PTPRU: variants seen among roughly 807,000 people sequenced by gnomAD.
PTPRU encodes the protein protein tyrosine phosphatase receptor type U, also known as receptor-type tyrosine-protein phosphatase U.
A neutral mutation model predicts 166.3 loss-of-function variants in PTPRU; 69 were observed. The ratio of observed to expected loss-of-function variants is 0.41; its 90% CI spans 0.34 to 0.51. The LOEUF (loss-of-function observed/expected upper bound fraction) is 0.51. Ranked by LOEUF, PTPRU falls within the 20% of genes least tolerant of loss-of-function variation. PTPRU has a pLI of 0.09. For missense variants in PTPRU, 1,657 were observed against 2,013.7 expected (o/e 0.82, Z 3.39); for synonymous variants, 793 against 814.0 (o/e 0.97, Z 0.44).
At chr1:29,285,427 C>G (rs567834091) in intron 14 of PTPRU, among the ~76,000 whole-genome samples, 1 of 152,194 alleles carries the variant, frequency 6.6e-6, no homozygotes, top group Non-Finnish European at 1.5e-5. Context: ...AACCCCTCCC[C>G]CTGCCGCCCC....
At position 29,244,224 on chromosome 1, in the gene PTPRU, G is replaced by A. The variant is rs1684185384; in HGVS notation, c.73+7507G>A. Among the ~76,000 whole-genome samples the A allele has an allele frequency of 2.6e-5, 4 of 152,014 alleles. No individual in the cohort carries two copies. In the South Asian group the frequency reaches 6.2e-4, roughly 24 times the overall value. On this transcript the variant is annotated intron_variant, in intron 1 of 29. Coordinates refer to ENST00000373779, the MANE Select transcript of PTPRU (RefSeq NM_133178.4). ...TCCCAGACTAGTGGAAAAAGGAGAC[G>A]GAAAACCGCAGCACACTGTCAGATG...
chr1:29,284,777 G>A lies in PTPRU; in HGVS notation c.2226G>A (p.Ser742=), dbSNP rs779491423. Residue 742 remains serine (S), a synonymous_variant, in exon 14 of 30, where the codon TCG becomes TCA. Transcript: ENST00000373779. ...SKRPLEVSQR[S]EEMGLILGIC... ...GGCCCCTGGAGGTGTCCCAGAGATC[G>A]GAGGAGATGGGGCTTATCCTGGGCA... is the stretch of plus-strand genomic sequence containing the variant. 9.9e-6 allele frequency: 16 copies of A among 1,613,972 alleles called. No homozygotes were observed. The highest frequency in any genetic ancestry group is 1.3e-5 in the African/African-American group (1 of 74,890).
At chr1:29,323,252 G>C in intron 26 of PTPRU, 119 bp from the exon 27 acceptor site, 1 of 1,339,078 alleles carries the variant, frequency 7.5e-7, no homozygotes, top group Non-Finnish European at 1.0e-6. Context: ...GGAGTGAGTG[G>C]GTGGGCCAGG....
At position 29,305,338 on chromosome 1, in the gene PTPRU, C is replaced by T; in HGVS notation, c.2744-14C>T. The T allele has an allele frequency of 1.9e-6, 3 of 1,613,570 alleles. No homozygotes were observed. Among genetic ancestry groups the T allele is most frequent in the Non-Finnish European group, 2.5e-6 (3 of 1,179,894 alleles). ...CCCCAGTTCAGCCCCTGCCCACCTG[C>T]TCTGTGTTTACAGATGATCGGCACC... On this transcript the variant is annotated splice_polypyrimidine_tract_variant and intron_variant, in intron 17 of 29. Transcript: ENST00000373779.
rs1687722145 is a variant in PTPRU, at chr1:29,312,670, C to A, written c.3191C>A (p.Thr1064Asn). Residue 1064 changes from threonine to asparagine, a missense_variant, in exon 22 of 30, where the codon ACC (threonine) becomes AAC (asparagine). Thr to Asn is a moderately conservative substitution (Grantham distance 65, BLOSUM62 0). Transcript: ENST00000373779. ...LAFIRRVKAS[T>N]PPDAGPIVIH... ...TTCATCCGGCGCGTGAAGGCCTCCA[C>A]CCCACCTGATGCCGGGCCCATTGTC... 6.2e-7 allele frequency: 1 copy of A among 1,610,178 alleles called. No individual in the cohort carries two copies. Among genetic ancestry groups the A allele is most frequent in the Admixed American group, 1.7e-5 (1 of 59,954 alleles).
intron 1 of PTPRU, among the ~76,000 whole-genome samples, chr1:29,241,085 GT>G: frequency 6.6e-6 from 1 of 152,286 alleles, no homozygotes; most frequent in South Asian, 2.1e-4. Flanking sequence ...ACCTGTTAGG[GT>G]GTCTAGCCAT....
chr1:29,301,449 C>T (rs1455647556), intron 15 of PTPRU, among the ~76,000 whole-genome samples: 1 of 152,136 alleles, frequency 6.6e-6, no homozygotes, highest in Non-Finnish European at 1.5e-5. Context: ...TTAATGATGA[C>T]TGTGTTACTG....
Position 29,317,446 on chromosome 1 carries a change from G to A in PTPRU, c.3514-302G>A, listed in dbSNP as rs1192997460. Among the ~76,000 whole-genome samples, 4 of 152,148 alleles carry A rather than the reference G, an allele frequency of 2.6e-5. No homozygotes were observed. Among genetic ancestry groups the A allele is most frequent in the Non-Finnish European group, 5.9e-5 (4 of 68,034 alleles). On this transcript the variant is annotated intron_variant, in intron 24 of 29. Transcript: ENST00000373779. This position sits in a 1 kb window ranked among gnomAD's most constrained non-coding sequence, Gnocchi z 5.6. ...CACTTTGGCCTCCCAGCAGCCCCAT[G>A]AAGTAGGCATATTACTTCCCTATTT...
chr1:29,266,476 A>C (rs1442450908), intron 7 of PTPRU, among the ~76,000 whole-genome samples: 1 of 152,050 alleles, frequency 6.6e-6, no homozygotes, highest in Non-Finnish European at 1.5e-5. Flanking sequence ...CACTTTGGGA[A>C]CTCCTTGGAT....
chr1:29,313,591 C>T (rs1256395509), intron 22 of PTPRU, among the ~76,000 whole-genome samples: 1 of 152,234 alleles, frequency 6.6e-6, no homozygotes, highest in East Asian at 1.9e-4. Context: ...CACAGGGGCT[C>T]ATGCCTGTAA....
At chr1:29,287,564 GATT>G (rs1194895428) in intron 14 of PTPRU, among the ~76,000 whole-genome samples, 1 of 150,804 alleles carries the variant, frequency 6.6e-6, no homozygotes, top group African/African-American at 2.4e-5. Context: ...CCCTGTGGGA[GATT>G]ATTATTAACC....
intron 15 of PTPRU, among the ~76,000 whole-genome samples, chr1:29,299,446 G>A (rs1302765187): frequency 6.6e-6 from 1 of 152,176 alleles, no homozygotes. Context: ...TCCTCTCTGG[G>A]CCCAGGAATT....
intron 1 of PTPRU, among the ~76,000 whole-genome samples, chr1:29,239,493 G>A (rs931957946): frequency 6.6e-6 from 1 of 152,254 alleles, no homozygotes; most frequent in East Asian, 1.9e-4. Flanking sequence ...GACAGTGGCC[G>A]AGGTGGGGAC....
intron 13 of PTPRU, 93 bp from the exon 14 acceptor site, chr1:29,284,638 G>A (rs1404072475): frequency 1.1e-5 from 18 of 1,578,064 alleles, no homozygotes; most frequent in Non-Finnish European, 1.6e-5. Flanking sequence ...GGTTTGTGCA[G>A]CCCAGTTTGT....
At chr1:29,284,226 G>C (rs181519557) in intron 13 of PTPRU, among the ~76,000 whole-genome samples, 138 of 152,270 alleles carry the variant, frequency 9.1e-4, no homozygotes, top group African/African-American at 3.3e-3. Flanking sequence ...GGGGGTGATG[G>C]GTACAGGGTG....
intron 18 of PTPRU, among the ~76,000 whole-genome samples, chr1:29,308,455 T>C (rs1365973415): frequency 6.7e-6 from 1 of 149,540 alleles, no homozygotes. Context: ...TAGTCCCAGC[T>C]ACTAGGGAGG....
chr1:29,260,818 T>C lies in PTPRU; in HGVS notation c.1059T>C (p.Tyr353=). The C allele has an allele frequency of 1.2e-6, 2 of 1,612,742 alleles. No homozygotes were observed. Among genetic ancestry groups the C allele is most frequent in the Non-Finnish European group, 1.7e-6 (2 of 1,179,562 alleles). Residue 353 remains tyrosine (Y), a synonymous_variant, in exon 7 of 30, where the codon TAT becomes TAC. Transcript: ENST00000373779. This position sits in a 1 kb window ranked among gnomAD's most constrained non-coding sequence, Gnocchi z 8.3. Reference sequence around the variant, plus strand: ...GGCACCTCGACCCCGACACAGAGTATGAGATCAGCGTGCTGCTCACGCGTC... The same window carrying C: ...GGCACCTCGACCCCGACACAGAGTACGAGATCAGCGTGCTGCTCACGCGTC... ...KLWHLDPDTE[Y]EISVLLTRPG...
rs1374191788 is a variant in PTPRU at position 29,259,336 on chromosome 1, C to T, written c.553C>T (p.Pro185Ser). The change falls in exon 4 of 30, where the codon CCC becomes TCC. Residue 185 changes from proline to serine, a missense_variant. By Grantham distance (74) the Pro-to-Ser change is moderately conservative. This residue lies in a region of PTPRU where 453 missense variants were observed against 496.9 expected (regional missense o/e 0.91). Coordinates refer to ENST00000373779, the MANE Select transcript of PTPRU (RefSeq NM_133178.4). ...AGATGACATCCTGCTTCTCAGCTAC[C>T]CCTGCGGTGAGTCCCAGCCCACTGG... The part of the protein sequence containing the change: ...GLDDILLLSY[P>S]CAKAPHFSRL... 1.9e-6 allele frequency: 3 copies of T among 1,613,836 alleles called. No homozygotes were observed. The Admixed American group carries it at 5.0e-5, about 27-fold the overall frequency.
rs1262935989 is a variant in PTPRU at position 29,284,888 on chromosome 1, C to G, written c.2318+19C>G. The G allele has an allele frequency of 6.3e-7, 1 of 1,595,992 alleles. No homozygotes were observed. Among genetic ancestry groups the G allele is most frequent in the South Asian group, 1.1e-5 (1 of 88,232 alleles). On this transcript the variant is annotated intron_variant, in intron 14 of 29. Coordinates refer to ENST00000373779, the MANE Select transcript of PTPRU (RefSeq NM_133178.4). ...GCAAAGGGTGAGTGAGGCCGGTGCCCTGTCCCACCAGTGGCTTCTACCCCT... is the reference window on the plus strand; with the variant it reads ...GCAAAGGGTGAGTGAGGCCGGTGCCGTGTCCCACCAGTGGCTTCTACCCCT...
Sources: allele counts gnomAD v4.1 joint callset (sites outside exome capture counted in the v4.1 genomes callset), GRCh38; gene constraint gnomAD v4.1.1; regional missense constraint gnomAD v4.1.1; non-coding constraint Gnocchi (gnomAD v3.1); transcripts MANE v1.5; gene names NCBI Gene and HGNC (gene_info 2026-07-23, HGNC 2026-07-21).